Variants in NTRK3 observed in about 807,000 individuals in gnomAD.
NTRK3 encodes the protein NT-3 growth factor receptor.
NTRK3 carries 24 observed loss-of-function variants against 91.7 expected under a neutral mutation model. That is an observed-to-expected ratio of 0.26 (90% CI 0.19 to 0.37). NTRK3 has a LOEUF of 0.37. Among genes scored for constraint, NTRK3 ranks in the 10% least tolerant of loss-of-function variants. The pLI is 1.00. For missense variants in NTRK3, 880 were observed against 1,068.9 expected (o/e 0.82, Z 2.46); for synonymous variants, 483 against 404.0 (o/e 1.20, Z -2.34).
chr15:88,214,922 T>TG (rs2049611590), intron 3 of NTRK3, among the ~76,000 whole-genome samples: 2 of 152,108 alleles, frequency 1.3e-5, no homozygotes, highest in South Asian at 4.1e-4. Flanking sequence ...AGGTGACAGG[T>TG]GTTCAGCAAA....
chr15:88,245,444 T>C (rs1194448784), intron 3 of NTRK3, among the ~76,000 whole-genome samples: 1 of 152,226 alleles, frequency 6.6e-6, no homozygotes, highest in Non-Finnish European at 1.5e-5. Flanking sequence ...CTGAGTTTTT[T>C]GACCAAAGAA....
intron 10 of NTRK3, among the ~76,000 whole-genome samples, chr15:88,129,738 G>C (rs577676513): frequency 6.6e-6 from 1 of 152,288 alleles, no homozygotes; most frequent in African/African-American, 2.4e-5. Flanking sequence ...ATGTACAGGG[G>C]ATCTCAATAG....
intron 15 of NTRK3, 23 bp downstream of exon 15, chr15:87,940,600 G>T (rs1164238064): frequency 6.2e-7 from 1 of 1,613,078 alleles, no homozygotes; most frequent in African/African-American, 1.3e-5. Flanking sequence ...TCCTCCTGGT[G>T]CCGGCATGCC....
At chr15:88,047,199 C>T (rs1441701053) in intron 13 of NTRK3, among the ~76,000 whole-genome samples, 1 of 152,182 alleles carries the variant, frequency 6.6e-6, no homozygotes, top group Non-Finnish European at 1.5e-5. Context: ...ACTAGTAGCA[C>T]GTGGCTGCTC....
chr15:88,127,061 A>T (rs924178914), intron 12 of NTRK3, 101 bp downstream of exon 12: 3 of 1,050,608 alleles, frequency 2.9e-6, no homozygotes, highest in Admixed American at 2.1e-5. Flanking sequence ...TTTTTTTCAA[A>T]GTTTCAAGTA....
At chr15:88,178,780 C>T (rs1194092904) in intron 5 of NTRK3, among the ~76,000 whole-genome samples, 2 of 152,136 alleles carry the variant, frequency 1.3e-5, no homozygotes, top group African/African-American at 4.8e-5. Flanking sequence ...AGGATTTGAC[C>T]TGAATAGAAA....
chr15:88,206,062 G>C (rs1156559066), intron 3 of NTRK3: 1 of 152,394 alleles, frequency 6.6e-6, no homozygotes, highest in South Asian at 2.1e-4. Context: ...TCCAGAGGCC[G>C]GGCGCGGTGG....
chr15:88,124,247 A>C (rs1329197039), intron 13 of NTRK3, among the ~76,000 whole-genome samples: 2 of 152,102 alleles, frequency 1.3e-5, no homozygotes, highest in African/African-American at 2.4e-5. Context: ...AGGATATTTC[A>C]CTTCCACCTA....
At chr15:87,981,180 G>A in intron 14 of NTRK3, 1 of 1,552,582 alleles carries the variant, frequency 6.4e-7, no homozygotes, top group South Asian at 1.2e-5. Flanking sequence ...ATTGGTTAGG[G>A]GAGGGATCTT....
intron 14 of NTRK3, among the ~76,000 whole-genome samples, chr15:88,002,755 C>G (rs371357047): frequency 6.7e-6 from 1 of 150,292 alleles, no homozygotes; most frequent in African/African-American, 2.4e-5. Context: ...TCAAAATATC[C>G]ATCCTTTAAA....
chr15:88,128,892 C>G (rs919513464), intron 10 of NTRK3, among the ~76,000 whole-genome samples, 158 bp from the exon 11 acceptor site: 4 of 152,204 alleles, frequency 2.6e-5, no homozygotes, highest in African/African-American at 9.7e-5. Flanking sequence ...CCCGTCTCCC[C>G]ATGCTACACT....
chr15:88,174,388 C>A (rs1188636701), intron 5 of NTRK3, among the ~76,000 whole-genome samples: 1 of 152,158 alleles, frequency 6.6e-6, no homozygotes, highest in African/African-American at 2.4e-5. Context: ...TGATTGACAG[C>A]CATCCCCACC....
intron 4 of NTRK3, 33 bp downstream of exon 4, chr15:88,184,192 G>T: frequency 6.2e-7 from 1 of 1,610,234 alleles, no homozygotes; most frequent in African/African-American, 1.3e-5. Context: ...CCCTTCCACA[G>T]GGAAAGGCCT....
chr15:88,091,195 G>C (rs1038676382), intron 13 of NTRK3, among the ~76,000 whole-genome samples: 11 of 152,146 alleles, frequency 7.2e-5, no homozygotes, highest in Non-Finnish European at 1.3e-4. Context: ...AAAAAGGTTA[G>C]ACCTTTTGTT....
At chr15:88,106,964 A>G (rs916813093) in intron 13 of NTRK3, among the ~76,000 whole-genome samples, 2 of 151,944 alleles carry the variant, frequency 1.3e-5, no homozygotes, top group African/African-American at 4.8e-5. Context: ...GTATGGGAAT[A>G]TAGATACTCA....
chr15:87,972,222 C>T (rs563130589), intron 14 of NTRK3, among the ~76,000 whole-genome samples: 2 of 152,294 alleles, frequency 1.3e-5, no homozygotes, highest in South Asian at 4.1e-4. Flanking sequence ...ATGATAACAG[C>T]ACACAGGTGG....
chr15:87,885,591 C>T (rs2065488873), intron 17 of NTRK3, 103 bp downstream of exon 18: 2 of 627,846 alleles, frequency 3.2e-6, no homozygotes, highest in East Asian at 3.2e-5. Flanking sequence ...CAGAGGCAGA[C>T]CCATGTATAA....
chr15:88,096,239 C>T (rs1044024349), intron 13 of NTRK3, among the ~76,000 whole-genome samples: 1 of 152,160 alleles, frequency 6.6e-6, no homozygotes, highest in Admixed American at 6.5e-5. Context: ...CCAATCCTGA[C>T]CAGCCCTCTC....
In NTRK3 at chr15:88,000,241, C is replaced by A. The variant is rs138663295; in HGVS notation, c.1585+32616G>T. On this transcript the variant is annotated intron_variant, in intron 14 of 18. Transcript: ENST00000394480. ...TATGTCCATACTAGTTAGTAAATAGCCCCTGCCTTGAGTACTCAGACCCTC... is the reference window on the plus strand; with the variant it reads ...TATGTCCATACTAGTTAGTAAATAGACCCTGCCTTGAGTACTCAGACCCTC... Among the ~76,000 whole-genome samples, 56 of 152,226 alleles carry A rather than the reference C, an allele frequency of 3.7e-4. No individual in the cohort carries two copies. In the East Asian group the frequency reaches 7.9e-3, roughly 22 times the overall value.
Sources: allele counts gnomAD v4.1 joint callset (sites outside exome capture counted in the v4.1 genomes callset), GRCh38; gene constraint gnomAD v4.1.1; transcripts MANE v1.5; gene names NCBI Gene and HGNC (gene_info 2026-07-23, HGNC 2026-07-21).